MIER1: variants seen among roughly 807,000 people sequenced by gnomAD.
MIER1 encodes mesoderm induction early response protein 1.
Under a neutral mutation model 75.7 loss-of-function variants are expected in MIER1, and 40 were observed. The ratio of observed to expected loss-of-function variants is 0.53; its 90% confidence interval spans 0.41 to 0.69. The LOEUF (loss-of-function observed/expected upper bound fraction) is 0.69, where lower values mean the gene tolerates loss of function less well. Among genes scored for constraint, MIER1 ranks in the 30% least tolerant of loss-of-function variants. The pLI, the probability that MIER1 is intolerant of heterozygous loss-of-function variation, is 0.00. For synonymous variants in MIER1, 213 were observed against 223.4 expected (o/e 0.95, Z 0.42); for missense variants, 574 against 680.2 (o/e 0.84, Z 1.74).
chr1:66,936,332 G>T (rs1456719054), intron 2 of MIER1, among the ~76,000 whole-genome samples: 2 of 151,252 alleles, frequency 1.3e-5, no homozygotes, highest in Non-Finnish European at 2.9e-5. Context: ...AAGCATTTCT[G>T]CTTCAGCCTC....
intron 2 of MIER1, among the ~76,000 whole-genome samples, chr1:66,934,657 T>G (rs555728434): frequency 1.3e-5 from 2 of 152,036 alleles, no homozygotes; most frequent in Non-Finnish European, 2.9e-5. Flanking sequence ...CCTCCTGTCT[T>G]GTGCTGGGAT....
chr1:66,947,817 T>C (rs531118498), intron 4 of MIER1: 52 of 509,450 alleles, frequency 1.0e-4, no homozygotes, highest in South Asian at 3.4e-4. Context: ...ACCTCTGTTA[T>C]AGCCACACTA....
At position 66,958,040 on chromosome 1, in the gene MIER1, T is replaced by C. The variant is rs201266261; in HGVS notation, c.340-19T>C. The C allele has an allele frequency of 1.4e-5, 21 of 1,513,784 alleles. No individual in the cohort carries two copies. The Admixed American group carries it at 2.2e-4, about 16-fold the overall frequency. The allele number at this position is 1,513,784 out of a possible 1,614,324, so 93.8% of individuals were successfully genotyped here. A position where few individuals can be genotyped will look rare whatever the true frequency, so the allele number is the denominator to read the frequency against. ...AATATCACTGATTCAGAGATTACCT[T>C]TTATTTTGATTTATTTAGGAAGGCG... is the stretch of plus-strand genomic sequence containing the variant. On this transcript the variant is annotated intron_variant, in intron 4 of 13. Coordinates refer to ENST00000401041, the MANE Select transcript of MIER1 (RefSeq NM_001077700.3).
At chr1:66,931,126 T>C (rs1009329053) in intron 2 of MIER1, among the ~76,000 whole-genome samples, 25 of 151,786 alleles carry the variant, frequency 1.6e-4, no homozygotes, top group Non-Finnish European at 7.4e-5. Context: ...TTTTCTTTCA[T>C]TGGAGAAGCT....
intron 2 of MIER1, among the ~76,000 whole-genome samples, chr1:66,935,658 A>T (rs1654613662): frequency 6.6e-6 from 1 of 151,776 alleles, no homozygotes; most frequent in East Asian, 1.9e-4. Flanking sequence ...TATTAAATGA[A>T]AAAAGCCTCT....
chr1:66,946,578 G>T (rs12090955), intron 4 of MIER1: 49,823 of 1,070,816 alleles, frequency 0.047, 4,025 homozygotes, highest in African/African-American at 0.34. Context: ...ACTATAAAAG[G>T]ATTCTACACG....
intron 2 of MIER1, among the ~76,000 whole-genome samples, chr1:66,939,221 G>A (rs1007930554): frequency 2.6e-5 from 4 of 152,096 alleles, no homozygotes; most frequent in African/African-American, 9.7e-5. Context: ...TCTTATGTTT[G>A]TAGATTATTT....
intron 10 of MIER1, among the ~76,000 whole-genome samples, chr1:66,972,259 T>TAG (rs1383496390): frequency 1.6e-4 from 15 of 96,520 alleles, no homozygotes; most frequent in Admixed American, 2.9e-4. Context: ...TATATATATA[T>TAG]ATAGATATGT....
intron 1 of MIER1, 159 bp downstream of exon 1, chr1:66,925,254 C>T (rs1476105653): frequency 1.0e-6 from 1 of 983,290 alleles, no homozygotes; most frequent in African/African-American, 1.7e-5. Context: ...CCGCAGAACG[C>T]GCCTGGCTTG....
intron 13 of MIER1, among the ~76,000 whole-genome samples, chr1:66,982,479 T>C (rs775471278): frequency 6.6e-6 from 1 of 152,182 alleles, no homozygotes; most frequent in Non-Finnish European, 1.5e-5. Flanking sequence ...GTTCAGATAG[T>C]GTTTCCGTTT....
intron 2 of MIER1, among the ~76,000 whole-genome samples, chr1:66,927,787 C>T (rs1270684427): frequency 6.6e-6 from 1 of 151,922 alleles, no homozygotes; most frequent in Admixed American, 6.6e-5. Flanking sequence ...AGGCAGAAAG[C>T]CTGGTAGTAG....
chr1:66,925,221 C>G, intron 1 of MIER1, 126 bp downstream of exon 1: 17 of 1,370,516 alleles, frequency 1.2e-5, no homozygotes, highest in Non-Finnish European at 1.4e-5. Flanking sequence ...CCCGGAAGAC[C>G]CTTAACTTCC....
intron 8 of MIER1, among the ~76,000 whole-genome samples, chr1:66,969,361 A>G (rs1456514055): frequency 6.6e-6 from 1 of 151,750 alleles, no homozygotes; most frequent in Non-Finnish European, 1.5e-5. Context: ...CCTGGCTAAC[A>G]CGGTGAAACT....
At chr1:66,954,655 A>G (rs1051587493) in intron 4 of MIER1, among the ~76,000 whole-genome samples, 2 of 151,732 alleles carry the variant, frequency 1.3e-5, no homozygotes, top group African/African-American at 2.4e-5. Context: ...TGCTTAGTCA[A>G]TATTGGAGGT....
chr1:66,943,637 C>T (rs1431966088), intron 3 of MIER1, among the ~76,000 whole-genome samples: 1 of 151,984 alleles, frequency 6.6e-6, no homozygotes, highest in Non-Finnish European at 1.5e-5. Context: ...CCAGGCTTGT[C>T]CTGAACCCCT....
chr1:66,940,273 T>TA, intron 3 of MIER1: 1 of 191,742 alleles, frequency 5.2e-6, no homozygotes, highest in Non-Finnish European at 1.0e-5. Context: ...GGGTTTTCTT[T>TA]TTTTTTTTTT....
Position 66,987,784 on chromosome 1 carries a change from G to A in MIER1, c.*2884G>A, listed in dbSNP as rs1488976951. Reference sequence around the variant, plus strand: ...GCAAATATATATATATACACAGTCTGTTTCTTCTATTCCTAGACATATTGC... The same window carrying A: ...GCAAATATATATATATACACAGTCTATTTCTTCTATTCCTAGACATATTGC... On this transcript the variant is annotated 3_prime_UTR_variant, in exon 14 of 14. Coordinates refer to ENST00000401041, the MANE Select transcript of MIER1 (RefSeq NM_001077700.3). 6.6e-6 allele frequency: 1 copy of A among 152,098 alleles called. No individual in the cohort carries two copies. Among genetic ancestry groups the A allele is most frequent in the African/African-American group, 2.4e-5 (1 of 41,344 alleles). 9.4% of individuals were successfully genotyped at this position (152,098 alleles called of 1,614,324 possible). A position where few individuals can be genotyped will look rare whatever the true frequency, so the allele number is the denominator to read the frequency against.
intron 13 of MIER1, among the ~76,000 whole-genome samples, chr1:66,982,128 A>G (rs945012867): frequency 9.9e-5 from 15 of 152,222 alleles, no homozygotes; most frequent in African/African-American, 2.9e-4. Flanking sequence ...AATAAAGCCT[A>G]CTGTCAACAG....
At chr1:66,967,316 G>A (rs889475144) in intron 8 of MIER1, among the ~76,000 whole-genome samples, 6 of 152,030 alleles carry the variant, frequency 3.9e-5, no homozygotes, top group African/African-American at 1.4e-4. Flanking sequence ...TTCACTGTAG[G>A]TATGTGACTT....
Sources: gnomAD v4.1 joint callset for allele counts (sites outside exome capture counted in the v4.1 genomes callset) on GRCh38, gnomAD v4.1.1 for gene constraint, MANE v1.5 for transcripts, NCBI Gene and HGNC (gene_info 2026-07-23, HGNC 2026-07-21) for gene names.